The following MCHR2 variants were observed in gnomAD, a reference collection of about 807,000 sequenced individuals.
MCHR2 encodes melanin concentrating hormone receptor 2.
A neutral mutation model predicts 24.8 loss-of-function variants in MCHR2; 15 were observed. The observed-to-expected ratio is 0.60, with a 90% CI of 0.40 to 0.93. MCHR2 has a LOEUF of 0.93. MCHR2 is among the 40% of genes least tolerant of loss of function. The probability of loss-of-function intolerance (pLI) is 0.00; values close to 1 mark genes in which losing one functional copy is unlikely to be tolerated. For missense variants in MCHR2, 386 were observed against 408.7 expected, an observed-to-expected ratio of 0.94 and a Z score of 0.48; for synonymous variants, 151 against 147.6, an observed-to-expected ratio of 1.02 and a Z score of -0.17.
chr6:99,924,678 A>G (rs1472513889), intron 5 of MCHR2, among the ~76,000 whole-genome samples: 1 of 151,994 alleles, frequency 6.6e-6, no homozygotes, highest in East Asian at 1.9e-4. Context: ...TCAGGAGCAT[A>G]TTTTGTAATT....
At chr6:99,927,087 T>C (rs1230588990) in intron 5 of MCHR2, among the ~76,000 whole-genome samples, 1 of 152,090 alleles carries the variant, frequency 6.6e-6, no homozygotes, top group Non-Finnish European at 1.5e-5. Context: ...ATTTATTAAA[T>C]AGGGAATCCT....
chr6:99,963,629 ATTTG>A (rs1322320527), intron 1 of MCHR2, among the ~76,000 whole-genome samples: 9 of 152,060 alleles, frequency 5.9e-5, no homozygotes, highest in East Asian at 1.9e-4. Context: ...TCATTTATCA[ATTTG>A]TTTGGGGGTG....
At chr6:99,954,701 A>G (rs1775026488) in intron 2 of MCHR2, among the ~76,000 whole-genome samples, 1 of 152,178 alleles carries the variant, frequency 6.6e-6, no homozygotes, top group Admixed American at 6.5e-5. Flanking sequence ...AATAAGTTTA[A>G]GAAAGTGATT....
chr6:99,972,927 C>T (rs375836129), intron 1 of MCHR2, among the ~76,000 whole-genome samples: 1 of 152,012 alleles, frequency 6.6e-6, no homozygotes, highest in African/African-American at 2.4e-5. Flanking sequence ...GTCTGTGAGA[C>T]AGTTTGTTAT....
chr6:99,950,263 T>C (rs1288901003), intron 2 of MCHR2, among the ~76,000 whole-genome samples: 1 of 152,172 alleles, frequency 6.6e-6, no homozygotes. Context: ...TATTGTCTTC[T>C]TTACTGAAAG....
chr6:99,929,409 C>T (rs1488078798), intron 5 of MCHR2, among the ~76,000 whole-genome samples: 1 of 152,096 alleles, frequency 6.6e-6, no homozygotes, highest in Non-Finnish European at 1.5e-5. Context: ...CTTTCTGTCT[C>T]ATTGATCTGT....
At chr6:99,981,964 G>A (rs1035950544) in intron 1 of MCHR2, among the ~76,000 whole-genome samples, 1 of 152,128 alleles carries the variant, frequency 6.6e-6, no homozygotes, top group African/African-American at 2.4e-5. Flanking sequence ...CACAATGCTT[G>A]TTGACTGAGG....
chr6:99,927,025 A>G (rs933099230), intron 5 of MCHR2, among the ~76,000 whole-genome samples: 1 of 152,128 alleles, frequency 6.6e-6, no homozygotes, highest in Admixed American at 6.5e-5. Flanking sequence ...AGGTGTAAGG[A>G]AGGGATCCAG....
intron 4 of MCHR2, 83 bp downstream of exon 4, chr6:99,942,866 T>C (rs915685221): frequency 1.7e-6 from 2 of 1,183,676 alleles, no homozygotes; most frequent in Non-Finnish European, 2.4e-6. Context: ...GGATACTCTT[T>C]GAGGCTGCTC....
chr6:99,951,950 A>C (rs1014237064), intron 2 of MCHR2, among the ~76,000 whole-genome samples: 1 of 152,102 alleles, frequency 6.6e-6, no homozygotes, highest in Non-Finnish European at 1.5e-5. Flanking sequence ...TTTTTGGAGG[A>C]TAGGGCACCT....
chr6:99,992,770 T>C lies in MCHR2; in HGVS notation c.-28+1166A>G, dbSNP rs115928366. Among the ~76,000 whole-genome samples, 322 of 152,286 alleles carry C rather than the reference T, an allele frequency of 2.1e-3. 1 individual carries two copies. Among genetic ancestry groups the C allele is most frequent in the African/African-American group, 7.5e-3 (313 of 41,558 alleles). On this transcript the variant is annotated intron_variant, in intron 1 of 5. Transcript: ENST00000281806. ...CATTGCCCTTGTAATTATCTTGTCA[T>C]AGCCATAAGACAGTAAGTGAGGGCA...
intron 1 of MCHR2, among the ~76,000 whole-genome samples, chr6:99,965,322 G>A (rs1006702575): frequency 5.3e-5 from 8 of 152,184 alleles, no homozygotes; most frequent in African/African-American, 1.9e-4. Context: ...CAGCTAATAT[G>A]ATGTTAACTT....
intron 2 of MCHR2, 21 bp from the exon 3 acceptor site, chr6:99,947,992 T>C (rs1291280423): frequency 6.3e-7 from 1 of 1,599,520 alleles, no homozygotes; most frequent in Admixed American, 1.7e-5. Context: ...TAGAGGAAAC[T>C]GAGGATTGAC....
chr6:99,925,744 A>T (rs190641807), intron 5 of MCHR2, among the ~76,000 whole-genome samples: 1 of 151,406 alleles, frequency 6.6e-6, no homozygotes, highest in East Asian at 1.9e-4. Flanking sequence ...TTCAGTGTAT[A>T]TCTTATTGTA....
At chr6:99,979,703 T>G (rs1046383291) in intron 1 of MCHR2, among the ~76,000 whole-genome samples, 4 of 152,250 alleles carry the variant, frequency 2.6e-5, no homozygotes, top group African/African-American at 4.8e-5. Context: ...CCTATTTGTC[T>G]TGGGCAAAGC....
intron 1 of MCHR2, among the ~76,000 whole-genome samples, chr6:99,975,069 A>G (rs1038295466): frequency 6.6e-5 from 10 of 152,320 alleles, no homozygotes; most frequent in African/African-American, 1.7e-4. Flanking sequence ...CTCCAGCTGC[A>G]TGCTGGGAGA....
intron 1 of MCHR2, among the ~76,000 whole-genome samples, chr6:99,980,681 G>GT (rs1775651975): frequency 6.6e-6 from 1 of 151,844 alleles, no homozygotes; most frequent in African/African-American, 2.4e-5. Flanking sequence ...ACTACCATTG[G>GT]CAAAAAAAAT....
intron 1 of MCHR2, among the ~76,000 whole-genome samples, chr6:99,972,362 G>A (rs1775444169): frequency 6.6e-6 from 1 of 152,208 alleles, no homozygotes; most frequent in African/African-American, 2.4e-5. Context: ...GGTGTTGGTA[G>A]TATTCTCTGA....
intron 1 of MCHR2, among the ~76,000 whole-genome samples, chr6:99,990,803 C>T (rs1450364842): frequency 6.6e-6 from 1 of 151,488 alleles, no homozygotes; most frequent in East Asian, 1.9e-4. Context: ...TTCACCAAGA[C>T]AGAGGAGACC....
Sources: allele counts gnomAD v4.1 joint callset (sites outside exome capture counted in the v4.1 genomes callset), GRCh38; gene constraint gnomAD v4.1.1; transcripts MANE v1.5; gene names NCBI Gene and HGNC (gene_info 2026-07-23, HGNC 2026-07-21).